The following MECOM variants were observed in gnomAD, a reference collection of about 807,000 sequenced individuals.
The protein encoded by MECOM is histone-lysine N-methyltransferase MECOM.
Under a neutral mutation model 116.3 loss-of-function variants are expected in MECOM, and 13 were observed. The observed-to-expected ratio is 0.11, with a 90% CI of 0.07 to 0.18. The LOEUF is 0.18. Among genes scored for constraint, MECOM ranks in the 10% least tolerant of loss-of-function variants. The probability of loss-of-function intolerance (pLI) is 1.00; values close to 1 mark genes in which losing one functional copy is unlikely to be tolerated. For synonymous variants in MECOM, 528 were observed against 535.2 expected (o/e 0.99, Z 0.19); for missense variants, 1,299 against 1,509.0 (o/e 0.86, Z 2.31).
intron 5 of MECOM, 28 bp from the exon 6 acceptor site, chr3:169,122,755 G>A (rs765175428): frequency 6.2e-7 from 1 of 1,606,622 alleles, no homozygotes; most frequent in South Asian, 1.1e-5. Context: ...GATTTTAAAA[G>A]ACAAAGGATG....
chr3:169,131,584 A>C, intron 3 of MECOM, 53 bp from the exon 4 acceptor site: 1 of 1,419,948 alleles, frequency 7.0e-7, no homozygotes, highest in Non-Finnish European at 9.7e-7. Context: ...AGATGTATAT[A>C]TATTAACAAA....
intron 10 of MECOM, among the ~76,000 whole-genome samples, 192 bp from the exon 11 acceptor site, chr3:169,102,418 A>C (rs1723905926): frequency 6.6e-6 from 1 of 152,214 alleles, no homozygotes; most frequent in African/African-American, 2.4e-5. Flanking sequence ...AAGTAGAACC[A>C]AGCTTATAAA....
In MECOM at chr3:169,140,256, A is replaced by C. The variant is rs546823384; in HGVS notation, c.510+3442T>G. Among the ~76,000 whole-genome samples, 5 of 152,180 alleles carry C rather than the reference A, an allele frequency of 3.3e-5. No individual in the cohort carries two copies. The South Asian group carries it at 8.3e-4, about 25-fold the overall frequency. On this transcript the variant is annotated intron_variant, in intron 3 of 16. Coordinates refer to ENST00000651503, the MANE Select transcript of MECOM (RefSeq NM_004991.4). The stretch of plus-strand genomic sequence containing the variant: ...TTAAGCATTGTCTGTCTCAGTAAAA[A>C]TTTCCAGCTAAACACCGTGCCACAG...
intron 2 of MECOM, among the ~76,000 whole-genome samples, chr3:169,188,839 C>A (rs569992266): frequency 6.6e-6 from 1 of 152,146 alleles, no homozygotes; most frequent in Non-Finnish European, 1.5e-5. Flanking sequence ...ATTTAGAAAC[C>A]AAGCTGCTGC....
At chr3:169,327,645 A>C (rs1310065254) in intron 2 of MECOM, among the ~76,000 whole-genome samples, 1 of 151,636 alleles carries the variant, frequency 6.6e-6, no homozygotes, top group Non-Finnish European at 1.5e-5. Context: ...GTCTCAAAAA[A>C]AAAAAAAAAA....
At chr3:169,148,338 G>T (rs1335942174) in intron 2 of MECOM, among the ~76,000 whole-genome samples, 1 of 152,080 alleles carries the variant, frequency 6.6e-6, no homozygotes, top group African/African-American at 2.4e-5. Flanking sequence ...TTAGTAATCG[G>T]TACTATCCTA....
At chr3:169,345,393 C>A (rs77691458) in intron 2 of MECOM, among the ~76,000 whole-genome samples, 2,675 of 152,152 alleles carry the variant, frequency 0.018, 62 homozygotes, top group East Asian at 0.1. Context: ...AAGTTTTTCC[C>A]ATTTTACTGT....
intron 1 of MECOM, among the ~76,000 whole-genome samples, chr3:169,526,816 G>A (rs1249307576): frequency 2.0e-5 from 3 of 151,902 alleles, no homozygotes; most frequent in Non-Finnish European, 2.9e-5. Flanking sequence ...CAGTATGCTT[G>A]TTTGGAAGCC....
In MECOM at chr3:169,249,420, G is replaced by A. The variant is rs193113612; in HGVS notation, c.376-105588C>T. On this transcript the variant is annotated intron_variant, in intron 2 of 16. Coordinates refer to ENST00000651503, the MANE Select transcript of MECOM (RefSeq NM_004991.4). ...TCAACTAAACCTACAAATAGTGTTT[G>A]CCTAAGATCTGCAAATCTTCCTTGG... Among the ~76,000 whole-genome samples the A allele has an allele frequency of 2.5e-3, 385 of 152,288 alleles. 1 individual carries two copies. Among genetic ancestry groups the A allele is most frequent in the African/African-American group, 8.8e-3 (365 of 41,562 alleles).
At chr3:169,516,103 T>C (rs1216992463) in intron 1 of MECOM, among the ~76,000 whole-genome samples, 9 of 152,172 alleles carry the variant, frequency 5.9e-5, no homozygotes, top group Non-Finnish European at 1.0e-4. Context: ...CTCGAAACCT[T>C]GACAATATGG....
At position 169,127,345 on chromosome 3, in the gene MECOM, T is replaced by C. The variant is rs77504811; in HGVS notation, c.830+499A>G. Among the ~76,000 whole-genome samples the C allele has an allele frequency of 9.7e-3, 1,482 of 152,226 alleles. 15 individuals are homozygous for C. The highest frequency in any genetic ancestry group is 0.018 in the Middle Eastern group (5 of 274). On this transcript the variant is annotated intron_variant, in intron 5 of 16. Transcript: ENST00000651503. ...TTAGGAAATTCAACACTTTGGGAAATCAAACATGCTTCTCTTATTCTTTTA... is the reference window on the plus strand; with the variant it reads ...TTAGGAAATTCAACACTTTGGGAAACCAAACATGCTTCTCTTATTCTTTTA...
intron 2 of MECOM, among the ~76,000 whole-genome samples, chr3:169,160,761 A>G (rs1742727066): frequency 6.6e-6 from 1 of 152,068 alleles, no homozygotes; most frequent in Non-Finnish European, 1.5e-5. Context: ...ATTATGCATT[A>G]TATGCCTGGA....
intron 2 of MECOM, among the ~76,000 whole-genome samples, chr3:169,362,982 C>T (rs1461270482): frequency 6.6e-6 from 1 of 151,902 alleles, no homozygotes; most frequent in Non-Finnish European, 1.5e-5. Context: ...ACGCTGATGA[C>T]ATATTCGGAA....
chr3:169,127,924 G>A lies in MECOM; in HGVS notation c.750C>T (p.Leu250=), dbSNP rs772457405. ...SMVEEDFQQK[L]ESENDLQEIH... is the part of the protein sequence containing the mutation. ...TCTCTTGGAGATCATTCTCGCTTTC[G>A]AGTTTTTGCTGAAAGTCCTCTTCAA... The change falls in exon 5 of 17, where the codon CTC becomes CTT. Residue 250 remains leucine (L), a synonymous_variant. Transcript: ENST00000651503. 2.4e-5 allele frequency: 38 copies of A among 1,613,854 alleles called. No homozygotes were observed. Among genetic ancestry groups the A allele is most frequent in the Non-Finnish European group, 3.1e-5 (36 of 1,179,932 alleles).
intron 1 of MECOM, among the ~76,000 whole-genome samples, chr3:169,492,688 A>G (rs1438524488): frequency 6.6e-6 from 1 of 152,170 alleles, no homozygotes; most frequent in Non-Finnish European, 1.5e-5. Flanking sequence ...TAGGCCCGGC[A>G]TGGTGTCTCA....
At chr3:169,234,460 A>G (rs1263676142) in intron 2 of MECOM, among the ~76,000 whole-genome samples, 1 of 152,114 alleles carries the variant, frequency 6.6e-6, no homozygotes, top group Non-Finnish European at 1.5e-5. Flanking sequence ...TATAAAAGCA[A>G]TTTAAAAAAA....
At chr3:169,134,665 A>C (rs1190008425) in intron 3 of MECOM, among the ~76,000 whole-genome samples, 2 of 152,154 alleles carry the variant, frequency 1.3e-5, no homozygotes, top group African/African-American at 4.8e-5. Flanking sequence ...ATTACCTCTC[A>C]TCCCTTAGGG....
At position 169,186,911 on chromosome 3, in the gene MECOM, T is replaced by A. The variant is rs576989133; in HGVS notation, c.376-43079A>T. 2.0e-5 allele frequency among the ~76,000 whole-genome samples: 3 copies of A among 152,336 alleles called. No homozygotes were observed. The East Asian group carries it at 5.8e-4, about 29-fold the overall frequency. ...AATAGGGTTTCATTTACAGAATAGCTACCTTGATTTAAGGACATCAAGCTA... is the reference window on the plus strand; with the variant it reads ...AATAGGGTTTCATTTACAGAATAGCAACCTTGATTTAAGGACATCAAGCTA... On this transcript the variant is annotated intron_variant, in intron 2 of 16. Transcript: ENST00000651503.
intron 2 of MECOM, among the ~76,000 whole-genome samples, chr3:169,204,033 C>T (rs1577337115): frequency 6.6e-6 from 1 of 152,098 alleles, no homozygotes; most frequent in Admixed American, 6.6e-5. Context: ...TTTAACATTC[C>T]TAGCTGAAAT....
Sources: allele counts gnomAD v4.1 joint callset (sites outside exome capture counted in the v4.1 genomes callset), GRCh38; gene constraint gnomAD v4.1.1; transcripts MANE v1.5; gene names NCBI Gene and HGNC (gene_info 2026-07-23, HGNC 2026-07-21).